Variants in TSPAN5 observed in about 807,000 individuals in gnomAD.
TSPAN5 encodes tetraspanin-5.
A neutral mutation model predicts 37.1 loss-of-function variants in TSPAN5; 10 were observed. The ratio of observed to expected loss-of-function variants is 0.27; its 90% CI spans 0.17 to 0.46. The LOEUF (loss-of-function observed/expected upper bound fraction) is 0.46, where lower values mean the gene tolerates loss of function less well. Among genes scored for constraint, TSPAN5 ranks in the 20% least tolerant of loss-of-function variants. TSPAN5 has a pLI of 1.00. For synonymous variants in TSPAN5, 110 were observed against 118.9 expected (o/e 0.93, Z 0.48); for missense variants, 195 against 326.6 (o/e 0.60, Z 3.11).
chr4:98,484,055 T>G, intron 3 of TSPAN5: 4 of 189,840 alleles, frequency 2.1e-5, no homozygotes, highest in South Asian at 1.0e-4. Flanking sequence ...TCAGTTTTTG[T>G]TCTCACCTCC....
chr4:98,475,203 G>C (rs893951782), intron 7 of TSPAN5, among the ~76,000 whole-genome samples: 8 of 152,184 alleles, frequency 5.3e-5, no homozygotes, highest in African/African-American at 1.4e-4. Context: ...TTGCTAAAAA[G>C]GTGGTTACAA....
In TSPAN5 at chr4:98,507,227, A is replaced by G. The variant is rs149332892; in HGVS notation, c.132+451T>C. Among the ~76,000 whole-genome samples the G allele has an allele frequency of 5.3e-5, 8 of 152,294 alleles. No homozygotes were observed. In the East Asian group the frequency reaches 1.5e-3, roughly 29 times the overall value. On this transcript the variant is annotated intron_variant, in intron 2 of 7. Transcript: ENST00000305798. ...AGTTATATCCCACTTCCTTCAATCC[A>G]CATGCTAATAGTTGTTTACCACATA...
intron 2 of TSPAN5, among the ~76,000 whole-genome samples, chr4:98,498,392 G>A (rs1285732482): frequency 6.6e-6 from 1 of 152,092 alleles, no homozygotes; most frequent in Non-Finnish European, 1.5e-5. Context: ...TCATACATAT[G>A]TTTCTAAAAT....
chr4:98,477,184 A>G (rs1752721268), intron 5 of TSPAN5, among the ~76,000 whole-genome samples: 1 of 152,240 alleles, frequency 6.6e-6, no homozygotes, highest in African/African-American at 2.4e-5. Context: ...CAGGAGGCGC[A>G]CTGTGCGGCA....
intron 1 of TSPAN5, among the ~76,000 whole-genome samples, chr4:98,548,728 T>G (rs1447893984): frequency 6.6e-6 from 1 of 152,198 alleles, no homozygotes; most frequent in Non-Finnish European, 1.5e-5. Context: ...TGTCTGTCCA[T>G]GTGTACCCAT....
In TSPAN5 at chr4:98,482,173, A is replaced by C; in HGVS notation, c.282T>G (p.Phe94Leu). 1 of 1,613,554 alleles carries C rather than the reference A, an allele frequency of 6.2e-7. No individual in the cohort carries two copies. The highest frequency in any genetic ancestry group is 8.5e-7 in the Non-Finnish European group (1 of 1,179,846). Residue 94 changes from phenylalanine (F) to leucine (L), a missense_variant and splice_region_variant, in exon 4 of 8, where the codon TTT (phenylalanine) becomes TTG (leucine). Phe to Leu is a conservative substitution (Grantham distance 22). Coordinates refer to ENST00000305798, the MANE Select transcript of TSPAN5 (RefSeq NM_005723.4). Reference sequence around the variant, plus strand: ...AGAAAATAATTCCCAGGAACACAGAAAACTAAGATAAAAGACACATACACA... The same window carrying C: ...AGAAAATAATTCCCAGGAACACAGACAACTAAGATAAAAGACACATACACA... ...LRENTFLLKF[F>L]SVFLGIIFFL... is the part of the protein sequence containing the mutation.
At chr4:98,646,462 C>A (rs1270670654) in intron 1 of TSPAN5, among the ~76,000 whole-genome samples, 7 of 152,166 alleles carry the variant, frequency 4.6e-5, no homozygotes, top group Admixed American at 2.6e-4. Flanking sequence ...CCCCACCCCA[C>A]CCAGGTGTTA....
intron 1 of TSPAN5, among the ~76,000 whole-genome samples, chr4:98,535,681 G>T (rs944088836): frequency 1.3e-5 from 2 of 152,168 alleles, no homozygotes; most frequent in Non-Finnish European, 2.9e-5. Flanking sequence ...ATCAAACACA[G>T]ATTTGGTCTT....
At chr4:98,560,924 G>A (rs920899744) in intron 1 of TSPAN5, among the ~76,000 whole-genome samples, 1 of 152,210 alleles carries the variant, frequency 6.6e-6, no homozygotes, top group Non-Finnish European at 1.5e-5. Flanking sequence ...TAAGCAGAAG[G>A]AACTAATTAA....
At chr4:98,551,492 CTTTT>C (rs35415457) in intron 1 of TSPAN5, among the ~76,000 whole-genome samples, 1 of 92,234 alleles carries the variant, frequency 1.1e-5, no homozygotes. Flanking sequence ...TTTTTCTTTT[CTTTT>C]TTTTTTTTTT....
chr4:98,603,310 T>A (rs1755927246), intron 1 of TSPAN5, among the ~76,000 whole-genome samples: 1 of 152,202 alleles, frequency 6.6e-6, no homozygotes, highest in African/African-American at 2.4e-5. Flanking sequence ...CAGACATCCT[T>A]TGCTGAGGAA....
chr4:98,556,037 A>ACC (rs374997947), intron 1 of TSPAN5, among the ~76,000 whole-genome samples: 864 of 63,150 alleles, frequency 0.014, 93 homozygotes, highest in Admixed American at 0.061. Flanking sequence ...CACACACAGC[A>ACC]CCCCCACACA....
At chr4:98,524,514 T>C (rs940469132) in intron 1 of TSPAN5, among the ~76,000 whole-genome samples, 2 of 152,256 alleles carry the variant, frequency 1.3e-5, no homozygotes, top group Non-Finnish European at 1.5e-5. Flanking sequence ...GCCAGTAACG[T>C]AAATAAGCCA....
At chr4:98,599,079 T>C (rs1045839526) in intron 1 of TSPAN5, among the ~76,000 whole-genome samples, 1 of 152,070 alleles carries the variant, frequency 6.6e-6, no homozygotes. Flanking sequence ...ACAAATAATA[T>C]AAAAGTGCGA....
chr4:98,500,158 T>A (rs1458822280), intron 2 of TSPAN5: 1 of 152,194 alleles, frequency 6.6e-6, no homozygotes, highest in Non-Finnish European at 1.5e-5. Context: ...GTAACCATTT[T>A]CCTCTATTGC....
chr4:98,492,683 T>C (rs573786540), intron 2 of TSPAN5, among the ~76,000 whole-genome samples: 1 of 152,364 alleles, frequency 6.6e-6, no homozygotes, highest in East Asian at 1.9e-4. Flanking sequence ...CTGGCTGATA[T>C]TTCAAGTCAA....
intron 1 of TSPAN5, among the ~76,000 whole-genome samples, chr4:98,532,354 C>A (rs923166939): frequency 2.6e-5 from 4 of 152,320 alleles, no homozygotes; most frequent in Admixed American, 6.5e-5. Flanking sequence ...TTTGTGTCCT[C>A]TCTTATTTCC....
intron 2 of TSPAN5, among the ~76,000 whole-genome samples, chr4:98,499,657 C>CA: frequency 9.3e-6 from 1 of 108,082 alleles, no homozygotes; most frequent in East Asian, 2.7e-4. Context: ...GTTTCCAGCT[C>CA]TTTTTTTTTT....
intron 1 of TSPAN5, among the ~76,000 whole-genome samples, chr4:98,530,377 G>A (rs1323008256): frequency 1.3e-5 from 2 of 152,216 alleles, no homozygotes; most frequent in African/African-American, 2.4e-5. Context: ...CTGTGAAGGA[G>A]ACAATGATAT....
Sources: allele counts gnomAD v4.1 joint callset (sites outside exome capture counted in the v4.1 genomes callset), GRCh38; gene constraint gnomAD v4.1.1; transcripts MANE v1.5; gene names NCBI Gene and HGNC (gene_info 2026-07-23, HGNC 2026-07-21).